Variants in MAML3 observed in about 807,000 individuals in gnomAD.
MAML3 encodes the protein mastermind like transcriptional coactivator 3.
MAML3 carries 27 observed loss-of-function variants against 101.9 expected under a neutral mutation model. The ratio of observed to expected loss-of-function variants is 0.27; its 90% CI spans 0.20 to 0.37. The LOEUF (loss-of-function observed/expected upper bound fraction) is 0.37. MAML3 is among the 10% of genes least tolerant of loss of function. The pLI, the probability that MAML3 is intolerant of heterozygous loss-of-function variation, is 1.00. For synonymous variants in MAML3, 501 were observed against 555.9 expected (o/e 0.90, Z 1.39); for missense variants, 1,316 against 1,444.9 (o/e 0.91, Z 1.45).
At chr4:139,960,088 A>C (rs1733985437) in intron 1 of MAML3, among the ~76,000 whole-genome samples, 1 of 152,174 alleles carries the variant, frequency 6.6e-6, no homozygotes, top group African/African-American at 2.4e-5. Context: ...TGATGGTTTG[A>C]GGTCATTCCA....
At chr4:140,150,469 CCA>C (rs1729139661) in intron 1 of MAML3, among the ~76,000 whole-genome samples, 1 of 152,146 alleles carries the variant, frequency 6.6e-6, no homozygotes. Context: ...CTTGCCGTGT[CCA>C]GAGACCCGGC....
intron 2 of MAML3, among the ~76,000 whole-genome samples, chr4:139,865,732 C>G (rs551041413): frequency 5.3e-5 from 8 of 152,230 alleles, no homozygotes; most frequent in Admixed American, 2.6e-4. Flanking sequence ...CTTAGACATG[C>G]GCACTGAGGG....
At chr4:139,864,923 CTTTTTTTTTTTTTTTTTTT>C (rs56361332) in intron 2 of MAML3, among the ~76,000 whole-genome samples, 1 of 62,456 alleles carries the variant, frequency 1.6e-5, no homozygotes, top group Non-Finnish European at 2.9e-5. Context: ...TGCAAACTTG[CTTTTTTTTTTTTTTTTTTT>C]TTTTTTTTTT....
In MAML3 at chr4:139,790,240, T is replaced by TATATAA. The variant is rs1553956817; in HGVS notation, c.2080-59574_2080-59573insTTATAT. 2.2e-4 allele frequency among the ~76,000 whole-genome samples: 32 copies of TATATAA among 144,656 alleles called. No homozygotes were observed. The East Asian group carries it at 5.9e-3, about 27-fold the overall frequency. 94.9% of individuals were successfully genotyped at this position (144,656 alleles called of 152,430 possible). A position where few individuals can be genotyped will look rare whatever the true frequency, so the allele number is the denominator to read the frequency against. On this transcript the variant is annotated intron_variant, in intron 2 of 4. Transcript: ENST00000509479. Reference sequence around the variant, plus strand: ...ACATATATATATATATATATATATATATAAATAAATATATAAAATAAAATA... The same window carrying TATATAA: ...ACATATATATATATATATATATATATATATAAATAAATAAATATATAAAATAAAATA...
intron 1 of MAML3, among the ~76,000 whole-genome samples, chr4:140,042,391 T>G (rs1727099945): frequency 6.6e-6 from 1 of 152,052 alleles, no homozygotes; most frequent in African/African-American, 2.4e-5. Flanking sequence ...TCCCAGCACT[T>G]TGGGAGGCCG....
rs75149181 is a variant in MAML3 at position 140,057,573 on chromosome 4, A to G, written c.468+95287T>C. ...AGGCACTTTTATGGAAATCTTTCTA[A>G]AACATTAGATATTTATATTCCTGTA... is the stretch of plus-strand genomic sequence containing the variant. On this transcript the variant is annotated intron_variant, in intron 1 of 4. Transcript: ENST00000509479. Among the ~76,000 whole-genome samples the G allele has an allele frequency of 2.8e-3, 433 of 152,318 alleles. 2 individuals carry two copies. The highest frequency in any genetic ancestry group is 9.8e-3 in the African/African-American group (409 of 41,564).
At chr4:139,891,098 A>G in intron 1 of MAML3, 131 bp from the exon 2 acceptor site, 1 of 1,112,490 alleles carries the variant, frequency 9.0e-7, no homozygotes, top group Non-Finnish European at 1.2e-6. Flanking sequence ...TCATACTTAT[A>G]ATTTCAAAAT....
At chr4:140,150,250 T>C (rs917204438) in intron 1 of MAML3, among the ~76,000 whole-genome samples, 2 of 152,232 alleles carry the variant, frequency 1.3e-5, no homozygotes, top group East Asian at 1.9e-4. Context: ...TCTCTGTCTA[T>C]TGAAGCAAGC....
chr4:139,866,722 C>T (rs1238420405), intron 2 of MAML3, among the ~76,000 whole-genome samples: 1 of 152,122 alleles, frequency 6.6e-6, no homozygotes, highest in African/African-American at 2.4e-5. Context: ...TGGAAGTCAG[C>T]CAAGCGAAGA....
chr4:139,755,531 C>T (rs151149690), intron 2 of MAML3, among the ~76,000 whole-genome samples: 2,234 of 152,268 alleles, frequency 0.015, 57 homozygotes, highest in African/African-American at 0.051. Context: ...TGGCGTGAAC[C>T]CGGGAGGCGG....
In MAML3 at chr4:139,763,888, G is replaced by A. The variant is rs1300535416; in HGVS notation, c.2080-33221C>T. Reference sequence around the variant, plus strand: ...ATACCAAGTTCATGGCAGGCAGAGGGCACCTGACATGCTAAAAATAGCCAA... The same window carrying A: ...ATACCAAGTTCATGGCAGGCAGAGGACACCTGACATGCTAAAAATAGCCAA... On this transcript the variant is annotated intron_variant, in intron 2 of 4. Coordinates refer to ENST00000509479, the MANE Select transcript of MAML3 (RefSeq NM_018717.5). Among the ~76,000 whole-genome samples, 9 of 152,288 alleles carry A rather than the reference G, an allele frequency of 5.9e-5. No individual in the cohort carries two copies. In the East Asian group the frequency reaches 1.5e-3, roughly 26 times the overall value.
At chr4:139,812,496 G>C (rs1487251805) in intron 2 of MAML3, among the ~76,000 whole-genome samples, 15 of 152,178 alleles carry the variant, frequency 9.9e-5, no homozygotes, top group Non-Finnish European at 2.9e-5. Flanking sequence ...TCTGGCACAA[G>C]GACACAAAGC....
chr4:140,080,213 A>T (rs1257808574), intron 1 of MAML3, among the ~76,000 whole-genome samples: 1 of 152,254 alleles, frequency 6.6e-6, no homozygotes, highest in Non-Finnish European at 1.5e-5. Flanking sequence ...CAAAGACTAA[A>T]GAGGGAGCTT....
intron 1 of MAML3, among the ~76,000 whole-genome samples, chr4:139,987,907 A>G (rs1395488112): frequency 6.6e-6 from 1 of 150,938 alleles, no homozygotes; most frequent in African/African-American, 2.4e-5. Context: ...CTGTAATCCC[A>G]GCTACTTGGG....
chr4:139,753,248 T>A (rs903437946), intron 2 of MAML3, among the ~76,000 whole-genome samples: 1 of 152,238 alleles, frequency 6.6e-6, no homozygotes, highest in Admixed American at 6.5e-5. Flanking sequence ...GTGTGATCGA[T>A]ACCATGATCT....
At chr4:140,040,122 T>C (rs1727056676) in intron 1 of MAML3, among the ~76,000 whole-genome samples, 1 of 152,072 alleles carries the variant, frequency 6.6e-6, no homozygotes, top group Admixed American at 6.6e-5. Context: ...CCTTTATAGG[T>C]ATTTACTTAT....
chr4:139,902,932 G>T (rs1732755673), intron 1 of MAML3, among the ~76,000 whole-genome samples: 1 of 152,154 alleles, frequency 6.6e-6, no homozygotes, highest in South Asian at 2.1e-4. Context: ...TGTCCAATCT[G>T]AAGCTAAAAG....
At chr4:139,764,858 A>G (rs1193920815) in intron 2 of MAML3, among the ~76,000 whole-genome samples, 1 of 152,210 alleles carries the variant, frequency 6.6e-6, no homozygotes, top group African/African-American at 2.4e-5. Context: ...TGAGCTTGGC[A>G]TGGCTCACTG....
intron 1 of MAML3, among the ~76,000 whole-genome samples, chr4:140,085,457 A>G (rs115001157): frequency 0.012 from 1,793 of 152,260 alleles, 16 homozygotes; most frequent in African/African-American, 0.023. Flanking sequence ...CACTGTGCAC[A>G]TGTACAGAAG....
Sources: gnomAD v4.1 joint callset for allele counts (sites outside exome capture counted in the v4.1 genomes callset) on GRCh38, gnomAD v4.1.1 for gene constraint, MANE v1.5 for transcripts, NCBI Gene and HGNC (gene_info 2026-07-23, HGNC 2026-07-21) for gene names.